The following ROBO1 variants were observed in gnomAD, a reference collection of about 807,000 sequenced individuals.
The protein encoded by ROBO1 is roundabout guidance receptor 1, also known as roundabout homolog 1.
A neutral mutation model predicts 195.9 loss-of-function variants in ROBO1; 149 were observed. The ratio of observed to expected loss-of-function variants is 0.76; its 90% CI spans 0.67 to 0.87. The LOEUF (loss-of-function observed/expected upper bound fraction) is 0.87, where lower values mean the gene tolerates loss of function less well. Ranked by LOEUF, ROBO1 falls within the 40% of genes least tolerant of loss-of-function variation. The probability of loss-of-function intolerance (pLI) is 0.00; values close to 1 mark genes in which losing one functional copy is unlikely to be tolerated. For synonymous variants in ROBO1, 816 were observed against 733.2 expected (o/e 1.11, Z -1.82); for missense variants, 1,933 against 2,068.3 (o/e 0.93, Z 1.27).
chr3:78,699,395 CAAA>C (rs60574193), intron 8 of ROBO1, among the ~76,000 whole-genome samples: 2,990 of 83,076 alleles, frequency 0.036, 63 homozygotes, highest in African/African-American at 0.08. Flanking sequence ...ACTAAAAATA[CAAA>C]AAAAAAAAAA....
intron 15 of ROBO1, among the ~76,000 whole-genome samples, chr3:78,661,536 C>T (rs1049568938): frequency 4.6e-5 from 7 of 152,128 alleles, no homozygotes; most frequent in Admixed American, 6.5e-5. Flanking sequence ...ATAAAAATTT[C>T]GGTGGCATTA....
chr3:79,536,437 T>C (rs1330667896), intron 2 of ROBO1, among the ~76,000 whole-genome samples: 1 of 152,198 alleles, frequency 6.6e-6, no homozygotes, highest in African/African-American at 2.4e-5. Flanking sequence ...AATAGATTGA[T>C]AATTTCTGCA....
chr3:78,921,816 A>G (rs947325231), intron 4 of ROBO1, among the ~76,000 whole-genome samples: 3 of 151,678 alleles, frequency 2.0e-5, no homozygotes, highest in Non-Finnish European at 4.4e-5. Context: ...TTGAAACAGA[A>G]TCTTGCTCTG....
At chr3:79,212,197 T>C (rs550259377) in intron 2 of ROBO1, among the ~76,000 whole-genome samples, 1 of 152,296 alleles carries the variant, frequency 6.6e-6, no homozygotes, top group African/African-American at 2.4e-5. Context: ...GTGGGCGTCA[T>C]GGCCATCACG....
Position 79,740,421 on chromosome 3 carries a change from A to G in ROBO1, c.-51+27331T>C, listed in dbSNP as rs186727989. On this transcript the variant is annotated intron_variant, in intron 1 of 30. Transcript: ENST00000464233. ...TGGAAAACTGTATTGGTTCCTTCTC[A>G]CAGCTGCTATGAAGAAATACATGAG... Among the ~76,000 whole-genome samples, 409 of 151,962 alleles carry G rather than the reference A, an allele frequency of 2.7e-3. 2 individuals carry two copies. The highest frequency in any genetic ancestry group is 9.4e-3 in the African/African-American group (390 of 41,444).
At chr3:78,955,114 AT>A (rs2040978548) in intron 3 of ROBO1, among the ~76,000 whole-genome samples, 1 of 110,372 alleles carries the variant, frequency 9.1e-6, no homozygotes, top group Non-Finnish European at 1.8e-5. Context: ...TCATGGGGTT[AT>A]ATAGGTAAAC....
chr3:79,575,716 G>T (rs1490172329), intron 2 of ROBO1, among the ~76,000 whole-genome samples: 2 of 150,728 alleles, frequency 1.3e-5, no homozygotes, highest in African/African-American at 4.9e-5. Flanking sequence ...TTGTTTCATG[G>T]CATTCTTCCA....
intron 4 of ROBO1, among the ~76,000 whole-genome samples, chr3:78,912,909 G>A (rs953630637): frequency 6.6e-6 from 1 of 152,032 alleles, no homozygotes; most frequent in Non-Finnish European, 1.5e-5. Context: ...GTTTCTGCTG[G>A]TTACTGCCCT....
At chr3:78,965,023 A>G (rs947690135) in intron 3 of ROBO1, among the ~76,000 whole-genome samples, 7 of 151,876 alleles carry the variant, frequency 4.6e-5, no homozygotes, top group African/African-American at 1.2e-4. Flanking sequence ...TTTTTTATAC[A>G]TTATATATGA....
intron 1 of ROBO1, among the ~76,000 whole-genome samples, chr3:79,701,708 T>C (rs1284388081): frequency 1.3e-5 from 2 of 151,726 alleles, no homozygotes; most frequent in East Asian, 1.9e-4. Context: ...AACACATGGA[T>C]ATTGAGTGAT....
chr3:79,436,832 G>T (rs1012991924), intron 2 of ROBO1, among the ~76,000 whole-genome samples: 1 of 151,962 alleles, frequency 6.6e-6, no homozygotes, highest in Non-Finnish European at 1.5e-5. Context: ...TAAAAAGATG[G>T]CTTTTAGCTT....
intron 3 of ROBO1, among the ~76,000 whole-genome samples, chr3:79,093,663 T>C (rs9863662): frequency 0.96 from 145,748 of 152,094 alleles, 70,158 homozygotes; most frequent in East Asian, 1. Flanking sequence ...TCTAGGCAGT[T>C]GTTTTTAAGA....
At chr3:79,258,202 T>C (rs1373438114) in intron 2 of ROBO1, among the ~76,000 whole-genome samples, 2 of 152,210 alleles carry the variant, frequency 1.3e-5, no homozygotes, top group Non-Finnish European at 2.9e-5. Flanking sequence ...TACATTTGAC[T>C]TCATTTTGTA....
chr3:79,337,195 G>A (rs1309530908), intron 2 of ROBO1, among the ~76,000 whole-genome samples: 1 of 152,112 alleles, frequency 6.6e-6, no homozygotes, highest in East Asian at 1.9e-4. Flanking sequence ...AGACTTTGGG[G>A]GACTGTTGGA....
At chr3:79,762,111 G>C (rs1047126584) in intron 1 of ROBO1, among the ~76,000 whole-genome samples, 1 of 152,176 alleles carries the variant, frequency 6.6e-6, no homozygotes, top group Non-Finnish European at 1.5e-5. Flanking sequence ...CTATGGAATA[G>C]GTGCCTTGTA....
intron 4 of ROBO1, among the ~76,000 whole-genome samples, chr3:78,815,612 T>C (rs1397181058): frequency 2.8e-5 from 1 of 36,230 alleles, no homozygotes; most frequent in Non-Finnish European, 6.5e-5. Flanking sequence ...ATAAGCAGTC[T>C]CTAGAACTTG....
chr3:79,499,838 A>G (rs1303369096), intron 2 of ROBO1, among the ~76,000 whole-genome samples: 1 of 151,980 alleles, frequency 6.6e-6, no homozygotes, highest in Non-Finnish European at 1.5e-5. Context: ...TAATTGATTG[A>G]TTTTATCTGT....
chr3:79,000,312 G>C (rs1183336144), intron 3 of ROBO1, among the ~76,000 whole-genome samples: 1 of 152,070 alleles, frequency 6.6e-6, no homozygotes, highest in African/African-American at 2.4e-5. Context: ...TGTAGATTCT[G>C]GGTAGTAGAC....
Position 78,658,507 on chromosome 3 carries a change from C to A in ROBO1, c.2442+1179G>T, listed in dbSNP as rs1707179443. On this transcript the variant is annotated intron_variant, in intron 17 of 30. Transcript: ENST00000464233. Reference sequence around the variant, plus strand: ...GCTTTCACTGTGTTGGCCAGGCCGGCCTGACCTCAGATGATCTGCCTGCCT... The same window carrying A: ...GCTTTCACTGTGTTGGCCAGGCCGGACTGACCTCAGATGATCTGCCTGCCT... Among the ~76,000 whole-genome samples the A allele has an allele frequency of 3.3e-5, 5 of 152,154 alleles. No homozygotes were observed. In the South Asian group the frequency reaches 1.0e-3, roughly 32 times the overall value.
Sources: allele counts gnomAD v4.1 joint callset (sites outside exome capture counted in the v4.1 genomes callset), GRCh38; gene constraint gnomAD v4.1.1; transcripts MANE v1.5; gene names NCBI Gene and HGNC (gene_info 2026-07-23, HGNC 2026-07-21).